The following SNX6 variants were observed in gnomAD, a reference collection of about 807,000 sequenced individuals.
The protein encoded by SNX6 is sorting nexin-6.
A neutral mutation model predicts 63.0 loss-of-function variants in SNX6; 34 were observed. The ratio of observed to expected loss-of-function variants is 0.54; its 90% CI spans 0.41 to 0.72. SNX6 has a LOEUF of 0.72. Among genes scored for constraint, SNX6 ranks in the 30% least tolerant of loss-of-function variants. The pLI, the probability that SNX6 is intolerant of heterozygous loss-of-function variation, is 0.00. For missense variants in SNX6, 398 were observed against 471.4 expected (o/e 0.84, Z 1.44); for synonymous variants, 170 against 164.2 (o/e 1.04, Z -0.27).
chr14:34,609,267 C>T (rs796525409), intron 3 of SNX6, among the ~76,000 whole-genome samples: 2 of 151,696 alleles, frequency 1.3e-5, no homozygotes, highest in Non-Finnish European at 2.9e-5. Flanking sequence ...GGTTGGAGAT[C>T]GAGACCATCC....
At chr14:34,601,394 T>A (rs1391860621) in intron 6 of SNX6, among the ~76,000 whole-genome samples, 1 of 150,864 alleles carries the variant, frequency 6.6e-6, no homozygotes, top group African/African-American at 2.4e-5. Context: ...CCCAGCTAAT[T>A]TTTGTATTTT....
chr14:34,607,059 T>A (rs1883047782), intron 4 of SNX6, among the ~76,000 whole-genome samples: 1 of 151,930 alleles, frequency 6.6e-6, no homozygotes, highest in Non-Finnish European at 1.5e-5. Context: ...ATTACAGGCA[T>A]GAGCTACCGT....
At position 34,605,556 on chromosome 14, in the gene SNX6, A is replaced by C. The variant is rs181399465; in HGVS notation, c.392+40T>G. On this transcript the variant is annotated intron_variant, in intron 5 of 13. Coordinates refer to ENST00000362031, the MANE Select transcript of SNX6 (RefSeq NM_152233.4). ...AAGCACAATTAACAAAGGCAACAAC[A>C]ACCAAAAAAAAAAAACAAAAAAATA... 36 of 1,449,458 alleles carry C rather than the reference A, an allele frequency of 2.5e-5. No individual in the cohort carries two copies. The East Asian group carries it at 5.2e-4, about 21-fold the overall frequency. 89.8% of individuals were successfully genotyped at this position (1,449,458 alleles called of 1,614,324 possible).
At chr14:34,613,589 G>A (rs1205785052) in intron 2 of SNX6, among the ~76,000 whole-genome samples, 1 of 150,758 alleles carries the variant, frequency 6.6e-6, no homozygotes, top group Non-Finnish European at 1.5e-5. Context: ...TCAGGAGATC[G>A]AGATCATCCT....
At chr14:34,629,647 G>A in intron 2 of SNX6, 1 of 673,200 alleles carries the variant, frequency 1.5e-6, no homozygotes, top group Non-Finnish European at 2.7e-6. Flanking sequence ...CGCCCCGCGT[G>A]GGAGTGGAGG....
chr14:34,565,352 C>T (rs1204895485), intron 13 of SNX6, among the ~76,000 whole-genome samples: 3 of 151,898 alleles, frequency 2.0e-5, no homozygotes, highest in Non-Finnish European at 4.4e-5. Flanking sequence ...GCTGGGATTA[C>T]AGGCGTGAGC....
At chr14:34,571,175 T>C (rs1167214716) in intron 11 of SNX6, among the ~76,000 whole-genome samples, 1 of 151,960 alleles carries the variant, frequency 6.6e-6, no homozygotes, top group Admixed American at 6.6e-5. Context: ...GGCTCACGTC[T>C]GTAATCCCAG....
chr14:34,579,410 AG>A (rs1392742220), intron 10 of SNX6, among the ~76,000 whole-genome samples: 1 of 152,108 alleles, frequency 6.6e-6, no homozygotes, highest in Non-Finnish European at 1.5e-5. Context: ...AGAGGCCAGG[AG>A]TTCAAGACCA....
intron 10 of SNX6, among the ~76,000 whole-genome samples, chr14:34,576,844 G>T (rs1881728957): frequency 6.6e-6 from 1 of 151,586 alleles, no homozygotes; most frequent in South Asian, 2.1e-4. Context: ...GGCACTTTGG[G>T]AGGCCGAGGC....
At position 34,607,526 on chromosome 14, in the gene SNX6, C is replaced by A. The variant is rs549740305; in HGVS notation, c.270+504G>T. ...TCAAGTGACTGAGGCAGGGGAATCGCCTGAATCCAGGAGGCAGAGGTTACA... is the reference window on the plus strand; with the variant it reads ...TCAAGTGACTGAGGCAGGGGAATCGACTGAATCCAGGAGGCAGAGGTTACA... On this transcript the variant is annotated intron_variant, in intron 4 of 13. Transcript: ENST00000362031. 3.7e-4 allele frequency among the ~76,000 whole-genome samples: 57 copies of A among 152,148 alleles called. 1 individual carries two copies. The highest frequency in any genetic ancestry group is 1.3e-3 in the African/African-American group (53 of 41,500).
At chr14:34,590,323 G>A (rs554009074) in intron 8 of SNX6, among the ~76,000 whole-genome samples, 1 of 151,928 alleles carries the variant, frequency 6.6e-6, no homozygotes, top group Admixed American at 6.6e-5. Context: ...AGGTTCTCGG[G>A]AGGCTGAGGC....
intron 4 of SNX6, 49 bp from the exon 5 acceptor site, chr14:34,605,766 A>T (rs200867659): frequency 2.0e-4 from 311 of 1,580,518 alleles, no homozygotes; most frequent in Admixed American, 3.9e-5. Context: ...CATTTCTTGA[A>T]GCATTGTACT....
rs1883356417 is a variant in SNX6 at position 34,614,737 on chromosome 14, G to C, written c.55-4995C>G. ...GTTTGAGACCAGCCTGGGCAACATA[G>C]CAAGACCTGTCTCTACAAAATAAAA... On this transcript the variant is annotated intron_variant, in intron 2 of 13. Transcript: ENST00000362031. Among the ~76,000 whole-genome samples the C allele has an allele frequency of 2.0e-5, 3 of 152,240 alleles. No individual in the cohort carries two copies. The South Asian group carries it at 6.2e-4, about 32-fold the overall frequency.
intron 9 of SNX6, among the ~76,000 whole-genome samples, chr14:34,584,458 T>C (rs767808017): frequency 6.6e-6 from 1 of 151,042 alleles, no homozygotes; most frequent in East Asian, 2.0e-4. Flanking sequence ...TACACCACCA[T>C]GTCTAATTTT....
rs908824924 is a variant in SNX6 at position 34,584,760 on chromosome 14, T to G, written c.794+1470A>C. Among the ~76,000 whole-genome samples, 954 of 143,182 alleles carry G rather than the reference T, an allele frequency of 6.7e-3. 6 individuals carry two copies. Among genetic ancestry groups the G allele is most frequent in the African/African-American group, 0.027 (908 of 33,202 alleles). 93.9% of individuals were successfully genotyped at this position (143,182 alleles called of 152,430 possible). A position where few individuals can be genotyped will look rare whatever the true frequency, so the allele number is the denominator to read the frequency against. Reference sequence around the variant, plus strand: ...TTGGGGAGGAAGAAAAAAAAATATATATAGAGAGAGAGAGTAAAGTCGATT... The same window carrying G: ...TTGGGGAGGAAGAAAAAAAAATATAGATAGAGAGAGAGAGTAAAGTCGATT... On this transcript the variant is annotated intron_variant, in intron 9 of 13. Transcript: ENST00000362031.
intron 2 of SNX6, among the ~76,000 whole-genome samples, chr14:34,613,028 G>A (rs938653064): frequency 1.5e-5 from 2 of 136,438 alleles, no homozygotes; most frequent in African/African-American, 2.7e-5. Flanking sequence ...CAGTGACAGA[G>A]TGAGACTCTA....
intron 13 of SNX6, among the ~76,000 whole-genome samples, chr14:34,565,244 A>G (rs28552616): frequency 2.6e-5 from 4 of 151,434 alleles, no homozygotes; most frequent in African/African-American, 9.7e-5. Flanking sequence ...CGCCCGGCTA[A>G]TTTTTTGTAT....
At chr14:34,575,943 A>G in intron 10 of SNX6, 101 bp from the exon 11 acceptor site, 1 of 483,300 alleles carries the variant, frequency 2.1e-6, no homozygotes, top group Non-Finnish European at 3.5e-6. Context: ...TTTTTTTTTG[A>G]GACGGAGTCT....
At chr14:34,574,853 C>T (rs954500980) in intron 11 of SNX6, among the ~76,000 whole-genome samples, 9 of 151,500 alleles carry the variant, frequency 5.9e-5, no homozygotes, top group South Asian at 2.1e-4. Context: ...CCACTGCGCC[C>T]GGCCAGCTCC....
Sources: allele counts gnomAD v4.1 joint callset (sites outside exome capture counted in the v4.1 genomes callset), GRCh38; gene constraint gnomAD v4.1.1; transcripts MANE v1.5; gene names NCBI Gene and HGNC (gene_info 2026-07-23, HGNC 2026-07-21).